CADPS: variants seen among roughly 807,000 people sequenced by gnomAD.
The protein encoded by CADPS is calcium dependent secretion activator, also known as calcium-dependent secretion activator 1.
In CADPS, 57 loss-of-function variants were observed where a neutral mutation model predicts 167.3. The ratio of observed to expected loss-of-function variants is 0.34; its 90% CI spans 0.28 to 0.42. The LOEUF is 0.42. CADPS is among the 20% of genes least tolerant of loss of function. The pLI is 1.00. For synonymous variants in CADPS, 676 were observed against 635.3 expected (o/e 1.06, Z -0.96); for missense variants, 1,414 against 1,738.1 (o/e 0.81, Z 3.32).
chr3:62,609,916 A>T (rs1012270575), intron 6 of CADPS, among the ~76,000 whole-genome samples: 2 of 151,914 alleles, frequency 1.3e-5, no homozygotes, highest in Non-Finnish European at 2.9e-5. Flanking sequence ...GGTGAAATCC[A>T]ATCTCTACAA....
chr3:62,775,867 G>C (rs768019880), intron 1 of CADPS, among the ~76,000 whole-genome samples: 2 of 152,048 alleles, frequency 1.3e-5, no homozygotes, highest in Non-Finnish European at 2.9e-5. Context: ...CACTTTCTAT[G>C]GTTTCATCAA....
chr3:62,425,571 C>T (rs1033987399), intron 28 of CADPS, among the ~76,000 whole-genome samples: 2 of 151,876 alleles, frequency 1.3e-5, no homozygotes, highest in African/African-American at 4.8e-5. Flanking sequence ...TGATGCATAC[C>T]CCTGGTTAAG....
chr3:62,810,409 A>AATC (rs748623689), intron 1 of CADPS, among the ~76,000 whole-genome samples: 19 of 152,112 alleles, frequency 1.2e-4, no homozygotes, highest in Non-Finnish European at 1.8e-4. Flanking sequence ...TTATTAATAT[A>AATC]ATCATCATCA....
At chr3:62,741,212 C>A (rs910648966) in intron 3 of CADPS, among the ~76,000 whole-genome samples, 1 of 152,138 alleles carries the variant, frequency 6.6e-6, no homozygotes, top group African/African-American at 2.4e-5. Flanking sequence ...AGAGCTGGTA[C>A]CATTTCTACT....
At chr3:62,510,191 C>CATCCATCTATCT (rs1553853780) in intron 17 of CADPS, among the ~76,000 whole-genome samples, 6 of 148,384 alleles carry the variant, frequency 4.0e-5, no homozygotes, top group African/African-American at 1.5e-4. Context: ...CCTATTTCTG[C>CATCCATCTATCT]ATCTATCTAT....
At chr3:62,649,541 G>GTTTTTT (rs1212818484) in intron 5 of CADPS, among the ~76,000 whole-genome samples, 10 of 75,000 alleles carry the variant, frequency 1.3e-4, no homozygotes, top group African/African-American at 3.4e-4. Flanking sequence ...ACAATATGTG[G>GTTTTTT]TCTTTTTTTT....
At chr3:62,770,959 G>C (rs540992525) in intron 1 of CADPS, among the ~76,000 whole-genome samples, 1 of 152,266 alleles carries the variant, frequency 6.6e-6, no homozygotes, top group African/African-American at 2.4e-5. Flanking sequence ...AGTAGCAATA[G>C]CTGGTCCCTT....
In CADPS at chr3:62,458,867, TG is replaced by T. The variant is rs2059006942; in HGVS notation, c.3636+6499del. Among the ~76,000 whole-genome samples the T allele has an allele frequency of 1.3e-5, 2 of 152,256 alleles. No individual in the cohort carries two copies. Among genetic ancestry groups the T allele is most frequent in the South Asian group, 4.1e-4 (2 of 4,838 alleles). On this transcript the variant is annotated intron_variant, in intron 26 of 29. Transcript: ENST00000383710. This position sits in a 1 kb window ranked among gnomAD's most constrained non-coding sequence, Gnocchi z 4.6. ...TACTGTGTGTGTCTTATGTTTGCTT[TG>T]AATGATATTCAGCTGTTCACTACAC... is the stretch of plus-strand genomic sequence containing the variant.
intron 26 of CADPS, among the ~76,000 whole-genome samples, chr3:62,448,246 G>C (rs2057511561): frequency 6.6e-6 from 1 of 152,178 alleles, no homozygotes; most frequent in Non-Finnish European, 1.5e-5. Flanking sequence ...CCTGTACTCT[G>C]TGATGTTGAT....
chr3:62,520,620 T>TA (rs373083288), intron 13 of CADPS, among the ~76,000 whole-genome samples: 3 of 152,328 alleles, frequency 2.0e-5, no homozygotes, highest in African/African-American at 7.2e-5. Context: ...GTCTGTAAGG[T>TA]ACAAGTACAG....
chr3:62,588,014 C>T (rs912315181), intron 7 of CADPS, among the ~76,000 whole-genome samples: 1 of 152,168 alleles, frequency 6.6e-6, no homozygotes, highest in East Asian at 1.9e-4. Context: ...AGCCGAGGAC[C>T]ATGTGTGCTG....
chr3:62,450,688 G>C (rs972223239), intron 26 of CADPS, among the ~76,000 whole-genome samples: 2 of 152,214 alleles, frequency 1.3e-5, no homozygotes, highest in Non-Finnish European at 2.9e-5. Flanking sequence ...CGGAGGCTAA[G>C]GATAAAATTG....
At chr3:62,543,405 G>C (rs192291822) in intron 11 of CADPS, among the ~76,000 whole-genome samples, 170 of 152,188 alleles carry the variant, frequency 1.1e-3, no homozygotes, top group Middle Eastern at 3.4e-3. Flanking sequence ...AACTTGTTTA[G>C]AACAGAATTC....
chr3:62,826,177 T>A lies in CADPS; in HGVS notation c.441+48412A>T, dbSNP rs2074004711. 3.9e-5 allele frequency among the ~76,000 whole-genome samples: 6 copies of A among 152,278 alleles called. No homozygotes were observed. In the South Asian group the frequency reaches 1.2e-3, roughly 32 times the overall value. ...AGTTTCTTGTGGAACTATTGAGAATTTCTGAGACATAAGGACTTTTGCTTT... is the reference window on the plus strand; with the variant it reads ...AGTTTCTTGTGGAACTATTGAGAATATCTGAGACATAAGGACTTTTGCTTT... On this transcript the variant is annotated intron_variant, in intron 1 of 29. Coordinates refer to ENST00000383710, the MANE Select transcript of CADPS (RefSeq NM_003716.4).
chr3:62,653,367 A>C (rs1037533659), intron 4 of CADPS, among the ~76,000 whole-genome samples: 1 of 152,124 alleles, frequency 6.6e-6, no homozygotes, highest in Non-Finnish European at 1.5e-5. Flanking sequence ...CCTATGAACC[A>C]GAAAGTGGGC....
At chr3:62,694,944 G>A (rs540764701) in intron 3 of CADPS, among the ~76,000 whole-genome samples, 1 of 152,164 alleles carries the variant, frequency 6.6e-6, no homozygotes, top group East Asian at 1.9e-4. Context: ...CACGGGCCCA[G>A]CAATCAAGGG....
intron 1 of CADPS, among the ~76,000 whole-genome samples, chr3:62,803,603 C>G (rs542572717): frequency 1.7e-3 from 258 of 152,190 alleles, no homozygotes; most frequent in African/African-American, 6.0e-3. Flanking sequence ...GTTCCTTACC[C>G]TCCTTGTGCC....
At chr3:62,591,448 G>T (rs1242082638) in intron 7 of CADPS, among the ~76,000 whole-genome samples, 1 of 152,190 alleles carries the variant, frequency 6.6e-6, no homozygotes, top group African/African-American at 2.4e-5. Flanking sequence ...GGGAGGTGGG[G>T]AAATGACAAC....
chr3:62,560,530 C>G (rs937279010), intron 9 of CADPS, among the ~76,000 whole-genome samples: 2 of 152,178 alleles, frequency 1.3e-5, no homozygotes, highest in Non-Finnish European at 1.5e-5. Context: ...CTAGTGATCT[C>G]AAATGATCAG....
Sources: allele counts gnomAD v4.1 joint callset (sites outside exome capture counted in the v4.1 genomes callset), GRCh38; gene constraint gnomAD v4.1.1; non-coding constraint Gnocchi (gnomAD v3.1); transcripts MANE v1.5; gene names NCBI Gene and HGNC (gene_info 2026-07-23, HGNC 2026-07-21).